MYOM2: variants seen among roughly 807,000 people sequenced by gnomAD.
MYOM2 encodes the protein myomesin 2, also known as myomesin-2.
Under a neutral mutation model 187.6 loss-of-function variants are expected in MYOM2, and 254 were observed. The observed-to-expected ratio is 1.35, with a 90% confidence interval of 1.22 to 1.50. MYOM2 has a LOEUF of 1.50. Ranked by LOEUF, MYOM2 falls within the 40% of genes most tolerant of loss-of-function variation. The pLI is 0.00. For synonymous variants in MYOM2, 981 were observed against 753.8 expected, an observed-to-expected ratio of 1.30 and a Z score of -4.94; for missense variants, 2,796 against 1,924.0, an observed-to-expected ratio of 1.45 and a Z score of -8.48.
intron 13 of MYOM2, 81 bp downstream of exon 13, chr8:2,079,694 A>T: frequency 2.1e-6 from 3 of 1,443,094 alleles, no homozygotes; most frequent in Non-Finnish European, 2.9e-6. Context: ...ATGGACAGAG[A>T]ACGCCCCCTA....
At chr8:2,126,110 G>C (rs190651178) in intron 31 of MYOM2, among the ~76,000 whole-genome samples, 2 of 152,306 alleles carry the variant, frequency 1.3e-5, no homozygotes, top group East Asian at 1.9e-4. Context: ...GTCTTGAAGA[G>C]TGAGTGTTTA....
chr8:2,073,274 C>G (rs1191518661), intron 9 of MYOM2, 65 bp from the exon 10 acceptor site: 1 of 1,546,480 alleles, frequency 6.5e-7, no homozygotes, highest in Non-Finnish European at 8.8e-7. Context: ...GCTGGTGTCC[C>G]CGAGGCTTTC....
In MYOM2 at chr8:2,100,953, G is replaced by A. The variant is rs200975584; in HGVS notation, c.2518G>A (p.Gly840Ser). Residue 840 changes from glycine (G) to serine (S), a missense_variant, in exon 20 of 37, where the codon GGC becomes AGC. Gly to Ser is a moderately conservative substitution (Grantham distance 56). Coordinates refer to ENST00000262113, the MANE Select transcript of MYOM2 (RefSeq NM_003970.4). Reference protein sequence around the residue: ...VMLWKAPVYSGSSPVSGYFVD... With the variant: ...VMLWKAPVYSSSSPVSGYFVD... ...GCTGTGGAAGGCCCCTGTGTACTCC[G>A]GCAGCAGCCCTGTTTCTGGATATTT... is the stretch of plus-strand genomic sequence containing the variant. 3.9e-5 allele frequency: 63 copies of A among 1,614,192 alleles called. No homozygotes were observed. The highest frequency in any genetic ancestry group is 3.5e-4 in the African/African-American group (26 of 75,054).
chr8:2,080,274 A>G (rs1819576098), intron 13 of MYOM2, among the ~76,000 whole-genome samples: 1 of 152,226 alleles, frequency 6.6e-6, no homozygotes, highest in African/African-American at 2.4e-5. Flanking sequence ...GAGAGAGGTG[A>G]TTTTGAGCTG....
In MYOM2 at chr8:2,106,576, A is replaced by C; in HGVS notation, c.2977A>C (p.Ser993Arg). The C allele has an allele frequency of 6.2e-7, 1 of 1,607,130 alleles. No individual in the cohort carries two copies. Among genetic ancestry groups the C allele is most frequent in the Admixed American group, 1.7e-5 (1 of 59,818 alleles). The part of the protein sequence containing the change: ...SVSDTDGVSS[S>R]FVLDPEELER... Reference sequence around the variant, plus strand: ...AAGTGATACAGACGGAGTGTCCTCCAGTTTTGTTCTGGACCCAGAAGGTAA... The same window carrying C: ...AAGTGATACAGACGGAGTGTCCTCCCGTTTTGTTCTGGACCCAGAAGGTAA... The change falls in exon 23 of 37, where the codon AGT becomes CGT. Residue 993 changes from serine (S) to arginine (R), a missense_variant. By Grantham distance (110) the Ser-to-Arg change is moderately radical. Coordinates refer to ENST00000262113, the MANE Select transcript of MYOM2 (RefSeq NM_003970.4).
intron 28 of MYOM2, among the ~76,000 whole-genome samples, chr8:2,120,122 C>T (rs1385483164): frequency 6.6e-6 from 1 of 152,022 alleles, no homozygotes; most frequent in African/African-American, 2.4e-5. Flanking sequence ...TAGTGGCCCA[C>T]ATAGGGGTGC....
intron 8 of MYOM2, among the ~76,000 whole-genome samples, chr8:2,071,644 A>G (rs900834785): frequency 6.6e-6 from 1 of 152,186 alleles, no homozygotes; most frequent in Non-Finnish European, 1.5e-5. Flanking sequence ...ACGACACCGC[A>G]AAGTCGACTT....
intron 13 of MYOM2, among the ~76,000 whole-genome samples, chr8:2,083,350 A>AGG (rs1819694410): frequency 2.6e-5 from 4 of 151,620 alleles, no homozygotes; most frequent in African/African-American, 9.7e-5. Flanking sequence ...GCGGTATCTT[A>AGG]TGTGTGCTTA....
chr8:2,059,032 G>A (rs181914793), intron 5 of MYOM2, 121 bp from the exon 6 acceptor site: 53 of 763,396 alleles, frequency 6.9e-5, no homozygotes, highest in South Asian at 2.4e-4. Context: ...TCCTCCTCCC[G>A]CCTGAGGCTC....
Position 2,140,803 on chromosome 8 carries a change from C to A in MYOM2, c.3881C>A (p.Thr1294Asn). ...GCTTGGCTGCAGATATGTGAGCCGA[C>A]TGAGAAGGATAAAGGAAAATACACT... ...EMAWLQICEPTEKDKGKYTFE... is the reference protein window; with the variant it reads ...EMAWLQICEPNEKDKGKYTFE... The change falls in exon 33 of 37, where the codon ACT (threonine) becomes AAT (asparagine). Residue 1294 changes from threonine to asparagine, a missense_variant. Physicochemically the swap from Thr to Asn is moderately conservative, Grantham distance 65. Coordinates refer to ENST00000262113, the MANE Select transcript of MYOM2 (RefSeq NM_003970.4). The A allele has an allele frequency of 6.2e-7, 1 of 1,614,064 alleles. No individual in the cohort carries two copies. The highest frequency in any genetic ancestry group is 8.5e-7 in the Non-Finnish European group (1 of 1,179,954).
intron 21 of MYOM2, among the ~76,000 whole-genome samples, chr8:2,104,581 G>A (rs112720441): frequency 0.012 from 1,836 of 151,918 alleles, 28 homozygotes; most frequent in African/African-American, 0.042. Context: ...CTCTAGCCTG[G>A]GCAACGGAGC....
Position 2,129,170 on chromosome 8 carries a change from A to C in MYOM2, c.3738A>C (p.Gly1246=). ...SPLKVLCTPE[G]IRLQCFMKYF... is the part of the protein sequence containing the mutation. ...TGAAGGTACTCTGCACCCCAGAAGG[A>C]ATACGACTTCAGTGTTTCATGAAGT... The change falls in exon 32 of 37, where the codon GGA becomes GGC. Residue 1246 remains glycine (G), a synonymous_variant. Transcript: ENST00000262113. 6.2e-7 allele frequency: 1 copy of C among 1,612,304 alleles called. No individual in the cohort carries two copies. Among genetic ancestry groups the C allele is most frequent in the South Asian group, 1.1e-5 (1 of 91,052 alleles).
chr8:2,142,917 G>A lies in MYOM2; in HGVS notation c.4025-484G>A, dbSNP rs1351308268. 2.0e-5 allele frequency among the ~76,000 whole-genome samples: 3 copies of A among 151,744 alleles called. No homozygotes were observed. The East Asian group carries it at 5.8e-4, about 29-fold the overall frequency. On this transcript the variant is annotated intron_variant, in intron 35 of 36. Transcript: ENST00000262113. The stretch of plus-strand genomic sequence containing the variant: ...ATTACAGGCACCCGCCATCATGCCC[G>A]GCTAATTTTTGTATTTTTAGTAGAG...
intron 19 of MYOM2, among the ~76,000 whole-genome samples, chr8:2,099,479 C>T (rs975430173): frequency 1.1e-4 from 16 of 151,858 alleles, no homozygotes; most frequent in African/African-American, 3.9e-4. Context: ...ACAGGGTTCT[C>T]ATTCGTGGGT....
intron 24 of MYOM2, among the ~76,000 whole-genome samples, 158 bp downstream of exon 24, chr8:2,108,988 T>C (rs901840478): frequency 6.6e-6 from 1 of 152,198 alleles, no homozygotes; most frequent in Non-Finnish European, 1.5e-5. Flanking sequence ...TTAAAACAAA[T>C]ATTAGCTTAT....
chr8:2,129,704 A>G (rs1249209221), intron 32 of MYOM2, among the ~76,000 whole-genome samples: 2 of 152,196 alleles, frequency 1.3e-5, no homozygotes, highest in Non-Finnish European at 2.9e-5. Context: ...TCTGTATTTC[A>G]TGCTTCTCTG....
At chr8:2,136,568 G>A (rs1310468533) in intron 32 of MYOM2, among the ~76,000 whole-genome samples, 1 of 152,170 alleles carries the variant, frequency 6.6e-6, no homozygotes, top group African/African-American at 2.4e-5. Context: ...AGTGAAACTT[G>A]AATGATAAGT....
Position 2,120,680 on chromosome 8 carries a change from T to TATATAATA in MYOM2, c.3454-2572_3454-2571insATATAATA. On this transcript the variant is annotated intron_variant, in intron 28 of 36. Transcript: ENST00000262113. The stretch of plus-strand genomic sequence containing the variant: ...CCTGTATATATATATATATATTATA[T>TATATAATA]TATATATAAATATATAATATATATA... Among the ~76,000 whole-genome samples, 98 of 48,226 alleles carry TATATAATA rather than the reference T, an allele frequency of 2.0e-3. 2 individuals are homozygous for TATATAATA. The highest frequency in any genetic ancestry group is 4.3e-3 in the Admixed American group (11 of 2,564). 31.6% of individuals were successfully genotyped at this position (48,226 alleles called of 152,430 possible).
chr8:2,124,592 C>T (rs1358370793), intron 31 of MYOM2, among the ~76,000 whole-genome samples: 3 of 152,182 alleles, frequency 2.0e-5, no homozygotes, highest in African/African-American at 7.2e-5. Context: ...CACATTAAAC[C>T]ATATGTTATC....
Sources: allele counts gnomAD v4.1 joint callset (sites outside exome capture counted in the v4.1 genomes callset), GRCh38; gene constraint gnomAD v4.1.1; transcripts MANE v1.5; gene names NCBI Gene and HGNC (gene_info 2026-07-23, HGNC 2026-07-21).